AGMO: variants seen among roughly 807,000 people sequenced by gnomAD.
AGMO encodes alkylglycerol monooxygenase.
A neutral mutation model predicts 60.2 loss-of-function variants in AGMO; 75 were observed. That is an observed-to-expected ratio of 1.25 (90% CI 1.03 to 1.51). AGMO has a LOEUF of 1.51. Ranked by LOEUF, AGMO falls within the 40% of genes most tolerant of loss-of-function variation. The probability of loss-of-function intolerance (pLI) is 0.00; values close to 1 mark genes in which losing one functional copy is unlikely to be tolerated. For synonymous variants in AGMO, 261 were observed against 177.1 expected, an observed-to-expected ratio of 1.47 and a Z score of -3.76; for missense variants, 763 against 525.5, an observed-to-expected ratio of 1.45 and a Z score of -4.42.
In AGMO at chr7:15,544,814, C is replaced by G; in HGVS notation, c.367G>C (p.Gly123Arg). The change falls in exon 3 of 13, where the codon GGA becomes CGA. Residue 123 changes from glycine (G) to arginine (R), a missense_variant. Transcript: ENST00000342526. ...AACCAGTAGTAGCCAAAGTCAACTC[C>G]TAAGAAGGCTGAATACCAAGTCCAT... ...SPWTWYSAFL[G>R]VDFGYYWFHR... is the part of the protein sequence containing the mutation. 6.2e-7 allele frequency: 1 copy of G among 1,609,356 alleles called. No homozygotes were observed. Among genetic ancestry groups the G allele is most frequent in the African/African-American group, 1.3e-5 (1 of 74,860 alleles).
chr7:15,377,404 A>C (rs566699533), intron 10 of AGMO, among the ~76,000 whole-genome samples: 1 of 151,976 alleles, frequency 6.6e-6, no homozygotes, highest in African/African-American at 2.4e-5. Context: ...GACAGTAGAG[A>C]AATCTTGAGA....
intron 12 of AGMO, among the ~76,000 whole-genome samples, chr7:15,293,862 T>C (rs931002334): frequency 6.6e-6 from 1 of 152,176 alleles, no homozygotes; most frequent in African/African-American, 2.4e-5. Context: ...TGTGTATATT[T>C]AAAATGTTGT....
At chr7:15,179,690 G>A in the AGMO span, among the ~76,000 whole-genome samples, 1 of 152,120 alleles carries the variant, frequency 6.6e-6, no homozygotes, top group African/African-American at 2.4e-5. Context: ...TCTAGGCACT[G>A]CCCTAGTGGA....
intron 12 of AGMO, among the ~76,000 whole-genome samples, chr7:15,271,238 A>C (rs1783602130): frequency 6.6e-6 from 1 of 152,156 alleles, no homozygotes; most frequent in Non-Finnish European, 1.5e-5. Context: ...AAATTCATTA[A>C]ATCTGTAGAT....
chr7:15,395,623 A>C (rs1045532473), intron 5 of AGMO, among the ~76,000 whole-genome samples: 6 of 152,210 alleles, frequency 3.9e-5, no homozygotes, highest in Non-Finnish European at 7.3e-5. Flanking sequence ...AGAAAAAAGG[A>C]CAACTGATGC....
intron 3 of AGMO, among the ~76,000 whole-genome samples, chr7:15,521,633 G>A (rs866462329): frequency 1.3e-4 from 20 of 152,224 alleles, no homozygotes; most frequent in Middle Eastern, 6.8e-3. Context: ...AAAAGCCTTT[G>A]ATAAAATTCA....
At chr7:15,169,118 C>A in the AGMO span, among the ~76,000 whole-genome samples, 1 of 152,150 alleles carries the variant, frequency 6.6e-6, no homozygotes, top group South Asian at 2.1e-4. Flanking sequence ...AGCAGGAGGA[C>A]TGCTGACCTT....
chr7:15,538,600 T>C (rs1403610151), intron 3 of AGMO, among the ~76,000 whole-genome samples: 1 of 152,122 alleles, frequency 6.6e-6, no homozygotes, highest in Non-Finnish European at 1.5e-5. Context: ...ACAAAAATCT[T>C]AGGTATATTC....
At chr7:15,452,921 G>C (rs1267567840) in intron 3 of AGMO, among the ~76,000 whole-genome samples, 2 of 152,204 alleles carry the variant, frequency 1.3e-5, no homozygotes, top group Non-Finnish European at 2.9e-5. Flanking sequence ...TACATGTGCA[G>C]TGTGAATGAA....
intron 12 of AGMO, among the ~76,000 whole-genome samples, chr7:15,360,457 A>C (rs1782705447): frequency 6.6e-6 from 1 of 152,232 alleles, no homozygotes; most frequent in South Asian, 2.1e-4. Flanking sequence ...CTGTATGCTG[A>C]ATGTATGATA....
At chr7:15,199,977 A>G (rs1747632498), downstream of AGMO, among the ~76,000 whole-genome samples, 1 of 152,106 alleles carries the variant, frequency 6.6e-6, no homozygotes, top group African/African-American at 2.4e-5. Flanking sequence ...TTAATACTCT[A>G]TATTTTTGTC....
chr7:15,517,412 C>G (rs1186749409), intron 3 of AGMO, among the ~76,000 whole-genome samples: 2 of 151,132 alleles, frequency 1.3e-5, no homozygotes, highest in Non-Finnish European at 2.9e-5. Flanking sequence ...TCTGCAGCTC[C>G]CAGCGAGACC....
intron 12 of AGMO, among the ~76,000 whole-genome samples, chr7:15,348,138 C>T (rs1013555161): frequency 5.9e-5 from 9 of 151,994 alleles, no homozygotes; most frequent in South Asian, 4.2e-4. Context: ...AACACAGAAT[C>T]CCTATTGACA....
At chr7:15,490,590 CT>C (rs1173517009) in intron 3 of AGMO, among the ~76,000 whole-genome samples, 4 of 152,044 alleles carry the variant, frequency 2.6e-5, no homozygotes, top group Admixed American at 2.0e-4. Context: ...AAGAATGGAT[CT>C]TTTTTCATAT....
chr7:15,337,139 T>A (rs1331386240), intron 12 of AGMO, among the ~76,000 whole-genome samples: 1 of 152,144 alleles, frequency 6.6e-6, no homozygotes, highest in Non-Finnish European at 1.5e-5. Flanking sequence ...GCAAGGACTT[T>A]TGAATGAGGA....
intron 12 of AGMO, among the ~76,000 whole-genome samples, chr7:15,244,389 A>C (rs1051964621): frequency 1.5e-4 from 23 of 152,102 alleles, no homozygotes; most frequent in African/African-American, 5.3e-4. Flanking sequence ...TATAGACTGT[A>C]TATCTTTTTT....
chr7:15,493,513 G>A lies in AGMO; in HGVS notation c.409+51259C>T, dbSNP rs1302590814. On this transcript the variant is annotated intron_variant, in intron 3 of 12. Coordinates refer to ENST00000342526, the MANE Select transcript of AGMO (RefSeq NM_001004320.2). ...CTCAGCCTCCCGCGTAGCTGGGTCT[G>A]CAGGCGCCCGCCACCACACCCGGCT... is the stretch of plus-strand genomic sequence containing the variant. 8.7e-4 allele frequency among the ~76,000 whole-genome samples: 130 copies of A among 150,216 alleles called. 1 individual carries two copies. Among genetic ancestry groups the A allele is most frequent in the African/African-American group, 2.6e-3 (108 of 41,042 alleles).
At chr7:15,379,578 C>CAA (rs1323151984) in intron 10 of AGMO, among the ~76,000 whole-genome samples, 4 of 151,992 alleles carry the variant, frequency 2.6e-5, no homozygotes, top group Non-Finnish European at 4.4e-5. Context: ...CTAAAGAGAA[C>CAA]AATAGTGAGC....
chr7:15,452,604 G>C (rs192632270), intron 3 of AGMO, among the ~76,000 whole-genome samples: 1 of 152,156 alleles, frequency 6.6e-6, no homozygotes, highest in Non-Finnish European at 1.5e-5. Context: ...TGAGGATGTG[G>C]AGAAGTTAGA....
Sources: allele counts gnomAD v4.1 joint callset (sites outside exome capture counted in the v4.1 genomes callset), GRCh38; gene constraint gnomAD v4.1.1; transcripts MANE v1.5; gene names NCBI Gene and HGNC (gene_info 2026-07-23, HGNC 2026-07-21).